DOK6: variants seen among roughly 807,000 people sequenced by gnomAD.
DOK6 encodes downstream of tyrosine kinase 6.
A neutral mutation model predicts 44.0 loss-of-function variants in DOK6; 22 were observed. That is an observed-to-expected ratio of 0.50 (90% confidence interval 0.36 to 0.71). The LOEUF (loss-of-function observed/expected upper bound fraction) is 0.71, where lower values mean the gene tolerates loss of function less well. Ranked by LOEUF, DOK6 falls within the 30% of genes least tolerant of loss-of-function variation. The probability of loss-of-function intolerance (pLI) is 0.00; values close to 1 mark genes in which losing one functional copy is unlikely to be tolerated. For missense variants in DOK6, 340 were observed against 416.4 expected, an observed-to-expected ratio of 0.82 and a Z score of 1.60; for synonymous variants, 166 against 145.5, an observed-to-expected ratio of 1.14 and a Z score of -1.01.
chr18:69,734,542 C>T (rs999005320), intron 5 of DOK6, among the ~76,000 whole-genome samples: 1 of 151,694 alleles, frequency 6.6e-6, no homozygotes, highest in African/African-American at 2.4e-5. Flanking sequence ...TATAATTAAA[C>T]GTTAAATTTT....
chr18:69,839,710 G>T (rs544749238), intron 7 of DOK6, among the ~76,000 whole-genome samples: 13 of 152,336 alleles, frequency 8.5e-5, no homozygotes, highest in African/African-American at 2.6e-4. Flanking sequence ...GTGCGGGGCA[G>T]GACCCTGGGA....
chr18:69,773,622 A>C (rs1268856186), intron 7 of DOK6, among the ~76,000 whole-genome samples: 1 of 152,006 alleles, frequency 6.6e-6, no homozygotes, highest in Non-Finnish European at 1.5e-5. Flanking sequence ...ATTTATGTGG[A>C]GTATATGAAA....
chr18:69,402,923 C>A (rs916557075), intron 1 of DOK6, among the ~76,000 whole-genome samples: 2 of 152,178 alleles, frequency 1.3e-5, no homozygotes, highest in Non-Finnish European at 2.9e-5. Context: ...GGTTGTTCCT[C>A]GCAGCCGGGA....
chr18:69,776,310 G>A (rs1418093724), intron 7 of DOK6, among the ~76,000 whole-genome samples: 1 of 151,832 alleles, frequency 6.6e-6, no homozygotes, highest in Non-Finnish European at 1.5e-5. Flanking sequence ...ATAATCAAGA[G>A]CCTATAGAAC....
rs539447041 is a variant in DOK6 at position 69,712,979 on chromosome 18, G to C, written c.599+14386G>C. Among the ~76,000 whole-genome samples, 68 of 152,284 alleles carry C rather than the reference G, an allele frequency of 4.5e-4. No homozygotes were observed. The South Asian group carries it at 0.013, about 30-fold the overall frequency. On this transcript the variant is annotated intron_variant, in intron 5 of 7. Coordinates refer to ENST00000382713, the MANE Select transcript of DOK6 (RefSeq NM_152721.6). ...AGATGCTTGAAAATATTGCTTTCAA[G>C]ATACACGAGACTGACCTTGAAATTA... is the stretch of plus-strand genomic sequence containing the variant.
chr18:69,608,982 T>C (rs937920255), intron 3 of DOK6, among the ~76,000 whole-genome samples: 1 of 151,896 alleles, frequency 6.6e-6, no homozygotes, highest in Non-Finnish European at 1.5e-5. Flanking sequence ...TTAACTTTTA[T>C]TTATTTAAGA....
Position 69,739,066 on chromosome 18 carries a change from A to T in DOK6, c.701A>T (p.His234Leu), listed in dbSNP as rs1212206249. The T allele has an allele frequency of 6.2e-7, 1 of 1,613,964 alleles. No homozygotes were observed. Among genetic ancestry groups the T allele is most frequent in the African/African-American group, 1.3e-5 (1 of 74,926 alleles). ...GCGACACTGGCCATAGCTGAGCAAC[A>T]TGAAAGATTAATGCTAGAAATGGAA... is the stretch of plus-strand genomic sequence containing the variant. ...HSATLAIAEQ[H>L]ERLMLEMEQK... The change falls in exon 6 of 8, where the codon CAT (histidine) becomes CTT (leucine). Residue 234 changes from histidine (H) to leucine (L), a missense_variant. Coordinates refer to ENST00000382713, the MANE Select transcript of DOK6 (RefSeq NM_152721.6).
intron 1 of DOK6, among the ~76,000 whole-genome samples, chr18:69,459,107 C>A (rs557269030): frequency 4.3e-5 from 6 of 139,920 alleles, no homozygotes; most frequent in East Asian, 4.4e-4. Context: ...CAACCCCCCC[C>A]CCAAAAAAAA....
chr18:69,747,502 G>GC (rs1392398018), intron 6 of DOK6, among the ~76,000 whole-genome samples: 14 of 152,090 alleles, frequency 9.2e-5, no homozygotes, highest in Admixed American at 7.9e-4. Context: ...ACATTTGTCA[G>GC]CCCCACCTTC....
At chr18:69,509,224 TAC>T (rs1981279241) in intron 1 of DOK6, among the ~76,000 whole-genome samples, 1 of 152,318 alleles carries the variant, frequency 6.6e-6, no homozygotes, top group South Asian at 2.1e-4. Context: ...CAGAATAATT[TAC>T]AGTCTTAATT....
intron 5 of DOK6, among the ~76,000 whole-genome samples, chr18:69,725,902 A>G (rs543320334): frequency 6.6e-6 from 1 of 152,184 alleles, no homozygotes; most frequent in Non-Finnish European, 1.5e-5. Context: ...ACAATGGAGG[A>G]AGGGGCTGTG....
At chr18:69,698,618 T>G in intron 5 of DOK6, 25 bp downstream of exon 5, 5 of 1,605,054 alleles carry the variant, frequency 3.1e-6, no homozygotes, top group Non-Finnish European at 4.3e-6. Flanking sequence ...AGCAGCCAAG[T>G]GCAGGAGTTG....
At chr18:69,579,379 A>T (rs1983310854) in intron 2 of DOK6, among the ~76,000 whole-genome samples, 1 of 152,326 alleles carries the variant, frequency 6.6e-6, no homozygotes, top group South Asian at 2.1e-4. Context: ...ATAATATTAA[A>T]ATGTAACTGG....
intron 1 of DOK6, among the ~76,000 whole-genome samples, chr18:69,540,802 T>A (rs1982248521): frequency 6.6e-6 from 1 of 152,216 alleles, no homozygotes. Context: ...CTTTTAAATA[T>A]ATAGGCATTT....
intron 6 of DOK6, among the ~76,000 whole-genome samples, chr18:69,744,513 AAATT>A (rs1978915144): frequency 6.6e-6 from 1 of 152,136 alleles, no homozygotes; most frequent in African/African-American, 2.4e-5. Flanking sequence ...GAATTAGAAC[AAATT>A]ATTATGGTTG....
chr18:69,847,261 T>C lies in DOK6; in HGVS notation c.*5878T>C, dbSNP rs1177381601. The C allele has an allele frequency of 1.3e-5, 2 of 152,138 alleles. No homozygotes were observed. Among genetic ancestry groups the C allele is most frequent in the African/African-American group, 4.8e-5 (2 of 41,434 alleles). The allele number at this position is 152,138 out of a possible 1,614,324, so 9.4% of individuals were successfully genotyped here. On this transcript the variant is annotated 3_prime_UTR_variant, in exon 8 of 8. Coordinates refer to ENST00000382713, the MANE Select transcript of DOK6 (RefSeq NM_152721.6). ...CATGTTAGCAGTTGAAACAATTAAG[T>C]TCCTCACTCTTTCCTGCTTTTAGGA... is the stretch of plus-strand genomic sequence containing the variant.
chr18:69,455,019 C>A (rs1979586129), intron 1 of DOK6, among the ~76,000 whole-genome samples: 1 of 147,312 alleles, frequency 6.8e-6, no homozygotes, highest in Non-Finnish European at 1.5e-5. Context: ...TGTAACTAAC[C>A]TGCACAATGT....
chr18:69,791,628 G>C (rs1488067394), intron 7 of DOK6, among the ~76,000 whole-genome samples: 1 of 151,962 alleles, frequency 6.6e-6, no homozygotes, highest in Non-Finnish European at 1.5e-5. Flanking sequence ...AGAGTTCTTT[G>C]AGCTCCTGAT....
chr18:69,588,306 G>C (rs1983550874), intron 2 of DOK6, among the ~76,000 whole-genome samples: 1 of 152,128 alleles, frequency 6.6e-6, no homozygotes, highest in South Asian at 2.1e-4. Context: ...TATTATAGCA[G>C]AAAAAGAAAC....
Sources: gnomAD v4.1 joint callset for allele counts (sites outside exome capture counted in the v4.1 genomes callset) on GRCh38, gnomAD v4.1.1 for gene constraint, MANE v1.5 for transcripts, NCBI Gene and HGNC (gene_info 2026-07-23, HGNC 2026-07-21) for gene names.